IPO11: variants seen among roughly 807,000 people sequenced by gnomAD.
The protein encoded by IPO11 is importin 11.
IPO11 carries 66 observed loss-of-function variants against 143.2 expected under a neutral mutation model. That is an observed-to-expected ratio of 0.46 (90% CI 0.38 to 0.57). The LOEUF is 0.57. Among genes scored for constraint, IPO11 ranks in the 20% least tolerant of loss-of-function variants. The pLI is 0.00. For missense variants in IPO11, 1,026 were observed against 1,141.0 expected (o/e 0.90, Z 1.45); for synonymous variants, 385 against 377.8 (o/e 1.02, Z -0.22).
At chr5:62,416,707 C>CT (rs144499728) in intron 1 of IPO11, among the ~76,000 whole-genome samples, 7,549 of 148,500 alleles carry the variant, frequency 0.051, 233 homozygotes, top group South Asian at 0.083. Flanking sequence ...ACCCAAGTCT[C>CT]TTATTATCTT....
chr5:62,577,139 A>G (rs989743106), intron 27 of IPO11, among the ~76,000 whole-genome samples: 2 of 152,226 alleles, frequency 1.3e-5, no homozygotes, highest in Admixed American at 1.3e-4. Flanking sequence ...GCAACTCCTA[A>G]ATGAACAGAA....
At chr5:62,471,803 G>A (rs1381033190) in intron 7 of IPO11, among the ~76,000 whole-genome samples, 3 of 152,138 alleles carry the variant, frequency 2.0e-5, no homozygotes, top group African/African-American at 7.2e-5. Context: ...TTACACAATT[G>A]TCTGTTGACG....
chr5:62,582,053 C>T (rs981437945), intron 27 of IPO11, among the ~76,000 whole-genome samples: 2 of 151,996 alleles, frequency 1.3e-5, no homozygotes, highest in Non-Finnish European at 2.9e-5. Context: ...ATTTAAAGCC[C>T]GAAAGAGAGA....
chr5:62,535,381 A>G (rs1370018961), intron 22 of IPO11, among the ~76,000 whole-genome samples: 1 of 152,078 alleles, frequency 6.6e-6, no homozygotes, highest in Admixed American at 6.6e-5. Context: ...TCTGCTGTTC[A>G]TTGTTGGTCT....
At chr5:62,497,597 T>C (rs1290727256) in intron 16 of IPO11, among the ~76,000 whole-genome samples, 1 of 152,090 alleles carries the variant, frequency 6.6e-6, no homozygotes, top group African/African-American at 2.4e-5. Context: ...GCCTCTCGAG[T>C]TGCTAGGACT....
chr5:62,551,769 A>G (rs1420980949), intron 26 of IPO11, among the ~76,000 whole-genome samples: 1 of 152,118 alleles, frequency 6.6e-6, no homozygotes. Context: ...TTTATTTTTA[A>G]AAATTGTAGT....
chr5:62,530,967 T>C (rs1471801948), intron 22 of IPO11, among the ~76,000 whole-genome samples, 182 bp downstream of exon 22: 2 of 152,190 alleles, frequency 1.3e-5, no homozygotes, highest in Admixed American at 6.5e-5. Flanking sequence ...TGGGGTACAA[T>C]TGATTCTGTC....
At chr5:62,492,430 T>C (rs992191402) in intron 15 of IPO11, among the ~76,000 whole-genome samples, 1 of 152,218 alleles carries the variant, frequency 6.6e-6, no homozygotes, top group African/African-American at 2.4e-5. Flanking sequence ...GCCCATTTCT[T>C]CTCTTCCTTT....
chr5:62,587,762 A>G (rs1417679701), intron 27 of IPO11, among the ~76,000 whole-genome samples: 1 of 152,164 alleles, frequency 6.6e-6, no homozygotes, highest in Admixed American at 6.5e-5. Flanking sequence ...GCCTTGTTAT[A>G]AGCACTTTCC....
intron 1 of IPO11, among the ~76,000 whole-genome samples, chr5:62,418,027 G>A (rs1283993707): frequency 2.0e-5 from 3 of 152,060 alleles, no homozygotes; most frequent in African/African-American, 4.8e-5. Flanking sequence ...AATTTCACTC[G>A]TAGCCCAGGC....
At chr5:62,572,529 A>G (rs971916235) in intron 27 of IPO11, among the ~76,000 whole-genome samples, 4 of 147,688 alleles carry the variant, frequency 2.7e-5, no homozygotes, top group Non-Finnish European at 5.9e-5. Flanking sequence ...ATCATTGTGT[A>G]TATGTATATT....
intron 26 of IPO11, among the ~76,000 whole-genome samples, chr5:62,553,542 A>T (rs771433934): frequency 3.4e-4 from 51 of 152,118 alleles, no homozygotes; most frequent in South Asian, 2.1e-4. Flanking sequence ...CGATAGTTCA[A>T]TTTGTAGTTT....
intron 20 of IPO11, among the ~76,000 whole-genome samples, chr5:62,519,797 C>T (rs1223118611): frequency 6.6e-6 from 1 of 152,182 alleles, no homozygotes; most frequent in African/African-American, 2.4e-5. Context: ...AGGTGACTGC[C>T]AGAATAAATT....
chr5:62,598,462 C>T (rs1363088622), intron 28 of IPO11, among the ~76,000 whole-genome samples: 3 of 3,446 alleles, frequency 8.7e-4, no homozygotes, highest in Admixed American at 5.5e-3. Context: ...CTCTCTCTCT[C>T]TCTCTCTCTC....
chr5:62,421,600 C>A (rs1490481617), intron 1 of IPO11, among the ~76,000 whole-genome samples: 1 of 152,156 alleles, frequency 6.6e-6, no homozygotes, highest in Non-Finnish European at 1.5e-5. Flanking sequence ...CAGTTTATCT[C>A]CTTATCTTTT....
intron 2 of IPO11, among the ~76,000 whole-genome samples, chr5:62,438,287 A>G (rs1238648438): frequency 6.6e-6 from 1 of 152,216 alleles, no homozygotes; most frequent in South Asian, 2.1e-4. Flanking sequence ...AAATTGTTTA[A>G]AGTCAGACTT....
At chr5:62,584,040 G>A (rs554430057) in intron 27 of IPO11, among the ~76,000 whole-genome samples, 5 of 152,102 alleles carry the variant, frequency 3.3e-5, no homozygotes, top group African/African-American at 7.2e-5. Flanking sequence ...AGGGCATATC[G>A]AAAGTAATTT....
intron 3 of IPO11, among the ~76,000 whole-genome samples, chr5:62,444,165 G>A (rs538997831): frequency 3.3e-4 from 50 of 149,460 alleles, no homozygotes; most frequent in Middle Eastern, 3.5e-3. Context: ...GCATGATCTC[G>A]GCCTACTGCA....
chr5:62,494,273 G>A, intron 16 of IPO11, 149 bp downstream of exon 16: 1 of 555,068 alleles, frequency 1.8e-6, no homozygotes, highest in East Asian at 3.7e-5. Context: ...TGATTTGAGG[G>A]TAGAAAATCT....
Sources: gnomAD v4.1 joint callset for allele counts (sites outside exome capture counted in the v4.1 genomes callset) on GRCh38, gnomAD v4.1.1 for gene constraint, MANE v1.5 for transcripts, NCBI Gene and HGNC (gene_info 2026-07-23, HGNC 2026-07-21) for gene names.